RAB11FIP4: variants seen among roughly 807,000 people sequenced by gnomAD.
The protein encoded by RAB11FIP4 is RAB11 family interacting protein 4, also known as rab11 family-interacting protein 4.
In RAB11FIP4, 23 loss-of-function variants were observed where a neutral mutation model predicts 74.3. That is an observed-to-expected ratio of 0.31 (90% CI 0.22 to 0.44). The LOEUF is 0.44. Among genes scored for constraint, RAB11FIP4 ranks in the 20% least tolerant of loss-of-function variants. RAB11FIP4 has a pLI of 1.00. For missense variants in RAB11FIP4, 630 were observed against 863.9 expected, an observed-to-expected ratio of 0.73 and a Z score of 3.39; for synonymous variants, 360 against 359.9, an observed-to-expected ratio of 1.00 and a Z score of 0.00.
In RAB11FIP4 at chr17:31,436,424, G is replaced by A. The variant is rs140306190; in HGVS notation, c.336+2302G>A. 1.1e-4 allele frequency among the ~76,000 whole-genome samples: 17 copies of A among 152,080 alleles called. No individual in the cohort carries two copies. The East Asian group carries it at 2.3e-3, about 21-fold the overall frequency. ...AGGAACTGGAGGGCAGAGTGGAGCC[G>A]AGGCCTGGGGAGAGGGGGTGGGAGT... is the stretch of plus-strand genomic sequence containing the variant. On this transcript the variant is annotated intron_variant, in intron 3 of 14. Coordinates refer to ENST00000621161, the MANE Select transcript of RAB11FIP4 (RefSeq NM_032932.6).
At position 31,533,397 on chromosome 17, in the gene RAB11FIP4, G is replaced by A. The variant is rs560541516; in HGVS notation, c.*1665G>A. ...ACTGGGAAGACTAGGCTAGGCAGTCGGTCTTCTAGGAGTTTCTCAGCCCCT... is the reference window on the plus strand; with the variant it reads ...ACTGGGAAGACTAGGCTAGGCAGTCAGTCTTCTAGGAGTTTCTCAGCCCCT... On this transcript the variant is annotated 3_prime_UTR_variant, in exon 15 of 15. Transcript: ENST00000621161. 17 of 152,370 alleles carry A rather than the reference G, an allele frequency of 1.1e-4. No individual in the cohort carries two copies. The highest frequency in any genetic ancestry group is 8.3e-4 in the South Asian group (4 of 4,826). The allele number at this position is 152,370 out of a possible 1,614,324, so 9.4% of individuals were successfully genotyped here.
At chr17:31,408,550 A>G (rs2071063359) in intron 1 of RAB11FIP4, among the ~76,000 whole-genome samples, 1 of 152,136 alleles carries the variant, frequency 6.6e-6, no homozygotes, top group Admixed American at 6.6e-5. Flanking sequence ...TAATCTCACC[A>G]CTGGTATGAA....
At chr17:31,424,413 A>C (rs1000006490) in intron 1 of RAB11FIP4, among the ~76,000 whole-genome samples, 4 of 152,108 alleles carry the variant, frequency 2.6e-5, no homozygotes, top group African/African-American at 9.7e-5. Flanking sequence ...CCTCTGCTTT[A>C]GTGGCACAGT....
intron 3 of RAB11FIP4, among the ~76,000 whole-genome samples, chr17:31,505,523 A>G (rs1164432904): frequency 0.023 from 1,852 of 81,030 alleles, 166 homozygotes; most frequent in African/African-American, 0.091. Flanking sequence ...ATAATTATAT[A>G]TTATATATAA....
intron 4 of RAB11FIP4, among the ~76,000 whole-genome samples, chr17:31,518,088 G>A (rs780872589): frequency 1.3e-5 from 2 of 152,194 alleles, no homozygotes; most frequent in African/African-American, 4.8e-5. Context: ...GCTGTGCAAA[G>A]TCAAGTTTTT....
chr17:31,411,409 C>G (rs541696476), intron 1 of RAB11FIP4, among the ~76,000 whole-genome samples: 1 of 152,156 alleles, frequency 6.6e-6, no homozygotes, highest in Non-Finnish European at 1.5e-5. Context: ...TCGCTTTCCT[C>G]TCTTCTAGCC....
In RAB11FIP4 at chr17:31,474,845, A is replaced by AAAAAC. The variant is rs71360776; in HGVS notation, c.336+40753_336+40757dup. On this transcript the variant is annotated intron_variant, in intron 3 of 14. Coordinates refer to ENST00000621161, the MANE Select transcript of RAB11FIP4 (RefSeq NM_032932.6). ...CACGACAGAGCGAAACACTGTCTCA[A>AAAAAC]AAAACAAAACAAAACAAAACAAAAC... is the stretch of plus-strand genomic sequence containing the variant. Among the ~76,000 whole-genome samples, 203 of 127,776 alleles carry AAAAAC rather than the reference A, an allele frequency of 1.6e-3. 1 individual carries two copies. Among genetic ancestry groups the AAAAAC allele is most frequent in the African/African-American group, 4.2e-3 (148 of 35,538 alleles). 83.8% of individuals were successfully genotyped at this position (127,776 alleles called of 152,430 possible).
intron 3 of RAB11FIP4, among the ~76,000 whole-genome samples, chr17:31,470,498 C>T (rs937610383): frequency 4.6e-5 from 7 of 152,208 alleles, no homozygotes; most frequent in Admixed American, 1.3e-4. Context: ...GCCCACAGAA[C>T]TACAGTAGGG....
rs563120560 is a variant in RAB11FIP4, at chr17:31,438,611, A to T, written c.336+4489A>T. ...CATCCCGCTCCTGGGACCCGTCCTT[A>T]CCAAGGGATGAAAACCAACATCAGC... On this transcript the variant is annotated intron_variant, in intron 3 of 14. Transcript: ENST00000621161. 2.0e-5 allele frequency among the ~76,000 whole-genome samples: 3 copies of T among 151,974 alleles called. No individual in the cohort carries two copies. The South Asian group carries it at 6.3e-4, about 32-fold the overall frequency.
At chr17:31,483,915 T>A (rs547299190) in intron 3 of RAB11FIP4, among the ~76,000 whole-genome samples, 1 of 151,780 alleles carries the variant, frequency 6.6e-6, no homozygotes, top group East Asian at 1.9e-4. Context: ...CGAAAGAAAA[T>A]AGACACAGAG....
At chr17:31,459,154 C>T (rs972080845) in intron 3 of RAB11FIP4, among the ~76,000 whole-genome samples, 1 of 152,086 alleles carries the variant, frequency 6.6e-6, no homozygotes, top group African/African-American at 2.4e-5. Context: ...CACCCCCTGC[C>T]CCGTGTCAAT....
At chr17:31,452,840 G>A in intron 3 of RAB11FIP4, among the ~76,000 whole-genome samples, 1 of 152,186 alleles carries the variant, frequency 6.6e-6, no homozygotes, top group East Asian at 1.9e-4. Context: ...CTTGCTTCTG[G>A]CATTGCTGTT....
chr17:31,524,072 C>A, intron 9 of RAB11FIP4, 76 bp downstream of exon 9: 1 of 1,019,100 alleles, frequency 9.8e-7, no homozygotes, highest in East Asian at 2.6e-5. Flanking sequence ...CTAAGACCTC[C>A]AGGAGGAGGC....
intron 3 of RAB11FIP4, among the ~76,000 whole-genome samples, chr17:31,460,023 A>G (rs933303706): frequency 2.6e-5 from 4 of 152,130 alleles, no homozygotes; most frequent in African/African-American, 7.2e-5. Flanking sequence ...TCTTGAGGAA[A>G]AAGCCCTGCT....
At chr17:31,423,637 G>A (rs1360768555) in intron 1 of RAB11FIP4, among the ~76,000 whole-genome samples, 1 of 151,788 alleles carries the variant, frequency 6.6e-6, no homozygotes, top group Non-Finnish European at 1.5e-5. Flanking sequence ...CCTTTGCAGT[G>A]CTATTCAGAT....
chr17:31,524,958 C>A, intron 9 of RAB11FIP4, 132 bp from the exon 10 acceptor site: 1 of 1,048,542 alleles, frequency 9.5e-7, no homozygotes, highest in Non-Finnish European at 1.4e-6. Flanking sequence ...TCTCTGAAAG[C>A]TACTGGCCCA....
rs759230039 is a variant in RAB11FIP4, at chr17:31,525,241, C to G, written c.1274+11C>G. The stretch of plus-strand genomic sequence containing the variant: ...GCTGCTCAATGCCAGGTGGGCCCCT[C>G]CACCGAGCCCCCTCCCTCAGAGGGA... On this transcript the variant is annotated intron_variant, in intron 10 of 14. Coordinates refer to ENST00000621161, the MANE Select transcript of RAB11FIP4 (RefSeq NM_032932.6). 1 of 1,539,202 alleles carries G rather than the reference C, an allele frequency of 6.5e-7. No homozygotes were observed. Among genetic ancestry groups the G allele is most frequent in the African/African-American group, 1.4e-5 (1 of 72,914 alleles).
chr17:31,438,179 A>G (rs1357224613), intron 3 of RAB11FIP4, among the ~76,000 whole-genome samples: 1 of 151,998 alleles, frequency 6.6e-6, no homozygotes, highest in East Asian at 1.9e-4. Flanking sequence ...CCCCCAGTCC[A>G]TATGCTATAG....
chr17:31,433,295 G>A (rs541242090), intron 2 of RAB11FIP4, among the ~76,000 whole-genome samples: 14 of 152,322 alleles, frequency 9.2e-5, no homozygotes, highest in African/African-American at 2.2e-4. Flanking sequence ...TCCTGTCTGC[G>A]GCTCAGATCA....
Sources: gnomAD v4.1 joint callset for allele counts (sites outside exome capture counted in the v4.1 genomes callset) on GRCh38, gnomAD v4.1.1 for gene constraint, MANE v1.5 for transcripts, NCBI Gene and HGNC (gene_info 2026-07-23, HGNC 2026-07-21) for gene names.